The following COL9A2 variants were observed in gnomAD, a reference collection of about 807,000 sequenced individuals.
COL9A2 encodes the protein collagen alpha-2(IX) chain.
A neutral mutation model predicts 111.6 loss-of-function variants in COL9A2; 66 were observed. The ratio of observed to expected loss-of-function variants is 0.59; its 90% CI spans 0.48 to 0.73. The LOEUF (loss-of-function observed/expected upper bound fraction) is 0.73. COL9A2 is among the 30% of genes least tolerant of loss of function. The pLI, the probability that COL9A2 is intolerant of heterozygous loss-of-function variation, is 0.00. For synonymous variants in COL9A2, 353 were observed against 364.1 expected, an observed-to-expected ratio of 0.97 and a Z score of 0.35; for missense variants, 881 against 954.1, an observed-to-expected ratio of 0.92 and a Z score of 1.01.
chr1:40,315,640 G>C lies in COL9A2; in HGVS notation c.100C>G (p.Pro34Ala). Residue 34 changes from proline (P) to alanine (A), a missense_variant, in exon 2 of 32, where the codon CCC becomes GCC. Transcript: ENST00000372748. ...CCCGGCGGTCCCGGGGGACCCGGGG[G>C]GCCCCGCTCTCCCGGTGGACCTCTC... The part of the protein sequence containing the change: ...QIRGPPGERG[P>A]PGPPGPPGVP... 1 of 1,554,154 alleles carries C rather than the reference G, an allele frequency of 6.4e-7. No homozygotes were observed. Among genetic ancestry groups the C allele is most frequent in the East Asian group, 2.4e-5 (1 of 41,674 alleles).
In COL9A2 at chr1:40,309,966, G is replaced by C. The variant is rs1161145813; in HGVS notation, c.818C>G (p.Pro273Arg). ...GTCACCCTTCTCCCCAGCTCGGCCT[G>C]GCGGTCCCCTAGGACCTTCCTCACC... ...PPGEEGPRGP[P>R]GRAGEKGDEG... Residue 273 changes from proline (P) to arginine (R), a missense_variant, in exon 16 of 32, where the codon CCA becomes CGA. By Grantham distance (103) the Pro-to-Arg change is moderately radical. Transcript: ENST00000372748. 2 of 1,614,050 alleles carry C rather than the reference G, an allele frequency of 1.2e-6. No individual in the cohort carries two copies. Among genetic ancestry groups the C allele is most frequent in the African/African-American group, 2.7e-5 (2 of 75,032 alleles).
In COL9A2 at chr1:40,302,735, G is replaced by A; in HGVS notation, c.1678C>T (p.Pro560Ser). 2 of 1,571,454 alleles carry A rather than the reference G, an allele frequency of 1.3e-6. No homozygotes were observed. Among genetic ancestry groups the A allele is most frequent in the Non-Finnish European group, 1.7e-6 (2 of 1,159,400 alleles). Residue 560 changes from proline (P) to serine (S), a missense_variant, in exon 30 of 32, where the codon CCT becomes TCT. By Grantham distance (74) the Pro-to-Ser change is moderately conservative. Transcript: ENST00000372748. The surrounding 1 kb of genome is among the most constrained non-coding windows in gnomAD (Gnocchi z 4.5). ...CCTGGGTACCCAGGGGGCCCAGGAG[G>A]TCCTGGAGGACCCATCATGCCCACC... ...GAVGMMGPPG[P>S]PGPPGYPGKQ... is the part of the protein sequence containing the mutation.
At position 40,316,970 on chromosome 1, in the gene COL9A2, G is replaced by T. The variant is rs762162989; in HGVS notation, c.75+153C>A. ...CGGTGCCGCGATGGGCACCATGTAT[G>T]CACCCACCGAGGGGACCTGCCCGCG... On this transcript the variant is annotated intron_variant, in intron 1 of 31. Transcript: ENST00000372748. This position sits in a 1 kb window ranked among gnomAD's most constrained non-coding sequence, Gnocchi z 5.5. 6.6e-6 allele frequency among the ~76,000 whole-genome samples: 1 copy of T among 152,162 alleles called. No homozygotes were observed. The highest frequency in any genetic ancestry group is 1.5e-5 in the Non-Finnish European group (1 of 68,028).
Position 40,307,439 on chromosome 1 carries a change from CACTT to C in COL9A2, c.1008+3_1008+6del. 6.2e-7 allele frequency: 1 copy of C among 1,613,828 alleles called. No individual in the cohort carries two copies. ...GGCCAGCCCCTGTGGCTCCACCTGA[CACTT>C]ACCGCTAGGCCCTGGTGGCCTGGAC... is the stretch of plus-strand genomic sequence containing the variant. On this transcript the variant is annotated splice_donor_5th_base_variant and intron_variant, in intron 19 of 31. Coordinates refer to ENST00000372748, the MANE Select transcript of COL9A2 (RefSeq NM_001852.4). This position sits in a 1 kb window ranked among gnomAD's most constrained non-coding sequence, Gnocchi z 4.8.
Position 40,310,785 on chromosome 1 carries a change from G to A in COL9A2, c.631-18C>T, listed in dbSNP as rs1644111156. 4 of 1,556,240 alleles carry A rather than the reference G, an allele frequency of 2.6e-6. No homozygotes were observed. Among genetic ancestry groups the A allele is most frequent in the Non-Finnish European group, 3.5e-6 (4 of 1,148,848 alleles). On this transcript the variant is annotated intron_variant, in intron 12 of 31. Transcript: ENST00000372748. This position sits in a 1 kb window ranked among gnomAD's most constrained non-coding sequence, Gnocchi z 4.9. ...TTGGGACCCTAAAGGGCAGGGATGA[G>A]CTGTCAGACAGGCAGGCAGATGGAA...
chr1:40,308,715 T>A lies in COL9A2; in HGVS notation c.847-470A>T, dbSNP rs147110353. On this transcript the variant is annotated intron_variant, in intron 16 of 31. Transcript: ENST00000372748. ...GATAATGTGATTATGTGAGAATGAG[T>A]GCTTATTGTTTAGAGATATGTACAA... Among the ~76,000 whole-genome samples, 543 of 152,300 alleles carry A rather than the reference T, an allele frequency of 3.6e-3. 1 individual carries two copies. In the Middle Eastern group the frequency reaches 0.037, roughly 10 times the overall value.
chr1:40,315,657 G>A lies in COL9A2; in HGVS notation c.83C>T (p.Pro28Leu). The A allele has an allele frequency of 6.4e-7, 1 of 1,553,178 alleles. No individual in the cohort carries two copies. The highest frequency in any genetic ancestry group is 8.7e-7 in the Non-Finnish European group (1 of 1,147,550). Residue 28 changes from proline to leucine, a missense_variant, in exon 2 of 32, where the codon CCA (proline) becomes CTA (leucine). Pro to Leu is a moderately conservative substitution (Grantham distance 98, BLOSUM62 -3). Transcript: ENST00000372748. Reference sequence around the variant, plus strand: ...ACCCGGGGGGCCCCGCTCTCCCGGTGGACCTCTCTGAAAAACACACACGGG... The same window carrying A: ...ACCCGGGGGGCCCCGCTCTCCCGGTAGACCTCTCTGAAAAACACACACGGG... ...VVLALAQIRG[P>L]PGERGPPGPP...
Position 40,307,690 on chromosome 1 carries a change from G to A in COL9A2, c.954+13C>T. On this transcript the variant is annotated intron_variant, in intron 18 of 31. Coordinates refer to ENST00000372748, the MANE Select transcript of COL9A2 (RefSeq NM_001852.4). This position sits in a 1 kb window ranked among gnomAD's most constrained non-coding sequence, Gnocchi z 4.8. ...TGCCCCTGCCCCAGTCCCATCAGCA[G>A]CCCCACTCCTACCTTCATGCCAGGC... 6.2e-7 allele frequency: 1 copy of A among 1,614,010 alleles called. No homozygotes were observed. The highest frequency in any genetic ancestry group is 8.5e-7 in the Non-Finnish European group (1 of 1,179,926).
chr1:40,310,278 G>A lies in COL9A2; in HGVS notation c.724C>T (p.Pro242Ser), dbSNP rs762688830. ...GIRGYPGMAG[P>S]KGETGPHGYK... Reference sequence around the variant, plus strand: ...GATTCACTTACCGTCTCTCCCTTGGGCCCTGCCATGCCTGGGTAGCCCCTG... The same window carrying A: ...GATTCACTTACCGTCTCTCCCTTGGACCCTGCCATGCCTGGGTAGCCCCTG... Residue 242 changes from proline to serine, a missense_variant, in exon 14 of 32, where the codon CCC becomes TCC. Transcript: ENST00000372748. This position sits in a 1 kb window ranked among gnomAD's most constrained non-coding sequence, Gnocchi z 4.9. 3.7e-6 allele frequency: 6 copies of A among 1,614,106 alleles called. No individual in the cohort carries two copies. The highest frequency in any genetic ancestry group is 1.7e-5 in the Admixed American group (1 of 60,024).
intron 23 of COL9A2, 38 bp downstream of exon 23, chr1:40,304,438 A>G (rs750257577): frequency 1.5e-5 from 24 of 1,613,604 alleles, no homozygotes; most frequent in Non-Finnish European, 2.0e-5. Context: ...AGGGGCCTGG[A>G]TATGACGCCC....
In COL9A2 at chr1:40,315,748, G is replaced by A. The variant is rs1237957976; in HGVS notation, c.76-84C>T. 3.4e-6 allele frequency: 3 copies of A among 884,282 alleles called. No individual in the cohort carries two copies. The African/African-American group carries it at 5.1e-5, about 15-fold the overall frequency. 54.8% of individuals were successfully genotyped at this position (884,282 alleles called of 1,614,324 possible). On this transcript the variant is annotated intron_variant, in intron 1 of 31. Transcript: ENST00000372748. ...CGGGGCTGCAAGCGACCCTGGGAGC[G>A]GGGTCCTAGGGGCGCAGCTCTTCCG...
In COL9A2 at chr1:40,307,154, A is replaced by G. The variant is rs1644042761; in HGVS notation, c.1008+292T>C. Among the ~76,000 whole-genome samples the G allele has an allele frequency of 6.6e-6, 1 of 152,114 alleles. No homozygotes were observed. Among genetic ancestry groups the G allele is most frequent in the Non-Finnish European group, 1.5e-5 (1 of 68,014 alleles). Reference sequence around the variant, plus strand: ...GCCACTGCACCCGACCTCAATAACTACTTATTGAAGGACTGGACTGAATGA... The same window carrying G: ...GCCACTGCACCCGACCTCAATAACTGCTTATTGAAGGACTGGACTGAATGA... On this transcript the variant is annotated intron_variant, in intron 19 of 31. Transcript: ENST00000372748. This position sits in a 1 kb window ranked among gnomAD's most constrained non-coding sequence, Gnocchi z 4.8.
chr1:40,310,347 C>T lies in COL9A2; in HGVS notation c.685-30G>A. 1 of 1,611,184 alleles carries T rather than the reference C, an allele frequency of 6.2e-7. No homozygotes were observed. Among genetic ancestry groups the T allele is most frequent in the Admixed American group, 1.7e-5 (1 of 60,018 alleles). The stretch of plus-strand genomic sequence containing the variant: ...TGAGAAAGAAAAATGACAGCAATGG[C>T]AATTGCAAGGCCCACTTCATGATAC... On this transcript the variant is annotated intron_variant, in intron 13 of 31. Coordinates refer to ENST00000372748, the MANE Select transcript of COL9A2 (RefSeq NM_001852.4). The surrounding 1 kb of genome is among the most constrained non-coding windows in gnomAD (Gnocchi z 4.9).
chr1:40,314,109 C>T lies in COL9A2; in HGVS notation c.249+96G>A, dbSNP rs1477330815. On this transcript the variant is annotated intron_variant, in intron 4 of 31. Coordinates refer to ENST00000372748, the MANE Select transcript of COL9A2 (RefSeq NM_001852.4). The surrounding 1 kb of genome is among the most constrained non-coding windows in gnomAD (Gnocchi z 4.1). ...CAGCTGGAGAATCTCCATCCTGCTG[C>T]CCATCTCTGAACAGATCAGTGAAGA... 3.9e-6 allele frequency: 5 copies of T among 1,297,556 alleles called. No homozygotes were observed. Among genetic ancestry groups the T allele is most frequent in the Non-Finnish European group, 5.6e-6 (5 of 893,366 alleles). The allele number at this position is 1,297,556 out of a possible 1,614,324, so 80.4% of individuals were successfully genotyped here.
In COL9A2 at chr1:40,312,330, C is replaced by T; in HGVS notation, c.363+126G>A. On this transcript the variant is annotated intron_variant, in intron 7 of 31. Transcript: ENST00000372748. This position sits in a 1 kb window ranked among gnomAD's most constrained non-coding sequence, Gnocchi z 6.0. ...GCTGGCCCTGGGTCTCTGGCAGGTC[C>T]ACTTATTCCTGACACTATCACAGCA... The T allele has an allele frequency of 2.2e-6, 3 of 1,364,460 alleles. No homozygotes were observed. Among genetic ancestry groups the T allele is most frequent in the Non-Finnish European group, 2.0e-6 (2 of 977,140 alleles). The allele number at this position is 1,364,460 out of a possible 1,614,324, so 84.5% of individuals were successfully genotyped here.
At position 40,314,002 on chromosome 1, in the gene COL9A2, CCGG is replaced by C. The variant is rs1644174859; in HGVS notation, c.249+200_249+202del. Among the ~76,000 whole-genome samples the C allele has an allele frequency of 6.6e-6, 1 of 152,174 alleles. No individual in the cohort carries two copies. Among genetic ancestry groups the C allele is most frequent in the Admixed American group, 6.5e-5 (1 of 15,288 alleles). On this transcript the variant is annotated intron_variant, in intron 4 of 31. Transcript: ENST00000372748. This position sits in a 1 kb window ranked among gnomAD's most constrained non-coding sequence, Gnocchi z 4.1. Reference sequence around the variant, plus strand: ...AGAAAGCAGACCCTCTCTCTGGACCCCGGTTGCCTGCAAATCAATGACCCTGGG... The same window carrying C: ...AGAAAGCAGACCCTCTCTCTGGACCCTTGCCTGCAAATCAATGACCCTGGG...
chr1:40,308,078 C>T, intron 17 of COL9A2, 114 bp downstream of exon 17: 1 of 1,055,674 alleles, frequency 9.5e-7, no homozygotes, highest in Non-Finnish European at 1.5e-6. Flanking sequence ...GTTATGGAGC[C>T]AGCCCACCAG....
Position 40,310,792 on chromosome 1 carries a change from G to A in COL9A2, c.631-25C>T. 6.4e-7 allele frequency: 1 copy of A among 1,551,142 alleles called. No homozygotes were observed. Among genetic ancestry groups the A allele is most frequent in the Non-Finnish European group, 8.7e-7 (1 of 1,144,936 alleles). ...CCTAAAGGGCAGGGATGAGCTGTCAGACAGGCAGGCAGATGGAAAGACACA... is the reference window on the plus strand; with the variant it reads ...CCTAAAGGGCAGGGATGAGCTGTCAAACAGGCAGGCAGATGGAAAGACACA... On this transcript the variant is annotated intron_variant, in intron 12 of 31. Coordinates refer to ENST00000372748, the MANE Select transcript of COL9A2 (RefSeq NM_001852.4). This position sits in a 1 kb window ranked among gnomAD's most constrained non-coding sequence, Gnocchi z 4.9.
chr1:40,311,531 A>T lies in COL9A2; in HGVS notation c.488T>A (p.Ile163Asn). 6.3e-7 allele frequency: 1 copy of T among 1,597,912 alleles called. No homozygotes were observed. The highest frequency in any genetic ancestry group is 1.1e-5 in the South Asian group (1 of 90,670). ...PPGKPGRPGT[I>N]QGLEGSADFL... ...ATCCGCACTGCCTTCCAGACCCTGG[A>T]TGGTTCCCGGGCGACCCTGAGAGGA... The change falls in exon 10 of 32, where the codon ATC becomes AAC. Residue 163 changes from isoleucine to asparagine, a missense_variant. By Grantham distance (149) the Ile-to-Asn change is moderately radical. Transcript: ENST00000372748. The surrounding 1 kb of genome is among the most constrained non-coding windows in gnomAD (Gnocchi z 5.1).
Sources: gnomAD v4.1 joint callset for allele counts (sites outside exome capture counted in the v4.1 genomes callset) on GRCh38, gnomAD v4.1.1 for gene constraint, Gnocchi (gnomAD v3.1) non-coding constraint, MANE v1.5 for transcripts, NCBI Gene and HGNC (gene_info 2026-07-23, HGNC 2026-07-21) for gene names.